Variants in RANBP17 observed in about 807,000 individuals in gnomAD.
RANBP17 encodes ran-binding protein 17.
RANBP17 carries 158 observed loss-of-function variants against 141.2 expected under a neutral mutation model. The ratio of observed to expected loss-of-function variants is 1.12; its 90% CI spans 0.98 to 1.28. The LOEUF (loss-of-function observed/expected upper bound fraction) is 1.28. RANBP17 is among the 50% of genes most tolerant of loss of function. The probability of loss-of-function intolerance (pLI) is 0.00; values close to 1 mark genes in which losing one functional copy is unlikely to be tolerated. For synonymous variants in RANBP17, 430 were observed against 450.0 expected (o/e 0.96, Z 0.56); for missense variants, 1,438 against 1,290.7 (o/e 1.11, Z -1.75).
chr5:170,951,449 T>TA (rs1335224606), intron 12 of RANBP17, among the ~76,000 whole-genome samples: 1 of 152,074 alleles, frequency 6.6e-6, no homozygotes, highest in Non-Finnish European at 1.5e-5. Context: ...AAAACATGGG[T>TA]GGTCCTTGAA....
In RANBP17 at chr5:170,908,593, A is replaced by C. The variant is rs182127708; in HGVS notation, c.490-1068A>C. On this transcript the variant is annotated intron_variant, in intron 5 of 27. Transcript: ENST00000523189. ...ATCATTCATACCCCAAACCTCAGCA[A>C]CAAGCAATATACCCCAGGCAACAAA... Among the ~76,000 whole-genome samples the C allele has an allele frequency of 1.3e-3, 192 of 151,164 alleles. 2 individuals carry two copies. Among genetic ancestry groups the C allele is most frequent in the Middle Eastern group, 0.01 (3 of 294 alleles).
At chr5:171,211,973 G>A (rs1762922113) in intron 20 of RANBP17, among the ~76,000 whole-genome samples, 2 of 152,162 alleles carry the variant, frequency 1.3e-5, no homozygotes, top group African/African-American at 4.8e-5. Context: ...AATCTATTTT[G>A]TGTCAGGCCA....
chr5:170,997,781 A>G (rs1275836885), intron 14 of RANBP17, among the ~76,000 whole-genome samples: 4 of 152,212 alleles, frequency 2.6e-5, no homozygotes. Context: ...ACACAGTATT[A>G]AATAATATAA....
In RANBP17 at chr5:170,870,703, T is replaced by C. The variant is rs528859462; in HGVS notation, c.19-7394T>C. 3.7e-4 allele frequency among the ~76,000 whole-genome samples: 56 copies of C among 152,356 alleles called. 1 individual carries two copies. In the South Asian group the frequency reaches 0.011, roughly 29 times the overall value. ...CATACATGTGCATGTATCTTTATAA[T>C]AGAATGATTTATATTCCTTTGAGTA... is the stretch of plus-strand genomic sequence containing the variant. On this transcript the variant is annotated intron_variant, in intron 1 of 27. Coordinates refer to ENST00000523189, the MANE Select transcript of RANBP17 (RefSeq NM_022897.5).
At chr5:171,096,017 C>T (rs933707216) in intron 14 of RANBP17, among the ~76,000 whole-genome samples, 12 of 152,054 alleles carry the variant, frequency 7.9e-5, no homozygotes, top group Non-Finnish European at 1.6e-4. Flanking sequence ...TCATCATCTT[C>T]ATGTCAAGGA....
intron 14 of RANBP17, among the ~76,000 whole-genome samples, chr5:171,133,427 A>G (rs1405351573): frequency 1.3e-5 from 2 of 152,138 alleles, no homozygotes; most frequent in Non-Finnish European, 2.9e-5. Flanking sequence ...ACAAGACAGT[A>G]TTTGCCAACT....
intron 14 of RANBP17, among the ~76,000 whole-genome samples, chr5:171,087,195 T>G (rs1785734384): frequency 6.6e-6 from 1 of 151,144 alleles, no homozygotes; most frequent in Admixed American, 6.6e-5. Context: ...AAGAACATCT[T>G]TATTTCTGCC....
chr5:171,144,448 T>G (rs1757907068), intron 14 of RANBP17, among the ~76,000 whole-genome samples: 1 of 152,160 alleles, frequency 6.6e-6, no homozygotes, highest in Non-Finnish European at 1.5e-5. Flanking sequence ...GAGATGTGAT[T>G]GATCATTTAT....
At chr5:171,169,359 G>A (rs181898431) in intron 14 of RANBP17, among the ~76,000 whole-genome samples, 88 of 152,286 alleles carry the variant, frequency 5.8e-4, no homozygotes, top group African/African-American at 2.1e-3. Context: ...GAGTATGGAG[G>A]TGTCAACCCA....
intron 14 of RANBP17, among the ~76,000 whole-genome samples, chr5:171,118,489 A>G (rs1755800118): frequency 1.3e-5 from 2 of 151,888 alleles, no homozygotes; most frequent in Admixed American, 6.6e-5. Flanking sequence ...TTTGGGTACT[A>G]TTGTCAGTTT....
chr5:171,289,174 G>GT (rs1392900058), intron 25 of RANBP17, among the ~76,000 whole-genome samples: 1 of 152,152 alleles, frequency 6.6e-6, no homozygotes, highest in Non-Finnish European at 1.5e-5. Flanking sequence ...TGGGGATACA[G>GT]TACCACAGGA....
chr5:171,258,158 CA>C lies in RANBP17; in HGVS notation c.2777-7522del, dbSNP rs1554124874. On this transcript the variant is annotated intron_variant, in intron 24 of 27. Coordinates refer to ENST00000523189, the MANE Select transcript of RANBP17 (RefSeq NM_022897.5). Reference sequence around the variant, plus strand: ...ACACACACACACACACACACACACACACCCCTAGGAATGCATTTAACCAAGA... The same window carrying C: ...ACACACACACACACACACACACACACCCCCTAGGAATGCATTTAACCAAGA... Among the ~76,000 whole-genome samples the C allele has an allele frequency of 7.6e-3, 1,115 of 147,082 alleles. 17 individuals are homozygous for C. The highest frequency in any genetic ancestry group is 0.023 in the African/African-American group (942 of 40,252).
intron 14 of RANBP17, among the ~76,000 whole-genome samples, chr5:171,042,218 A>G (rs1225460339): frequency 6.6e-6 from 1 of 152,098 alleles, no homozygotes; most frequent in Non-Finnish European, 1.5e-5. Context: ...TCCTAGGCCT[A>G]TACAGGGTCA....
intron 14 of RANBP17, among the ~76,000 whole-genome samples, chr5:171,035,854 G>A (rs1462937883): frequency 4.7e-5 from 7 of 149,696 alleles, no homozygotes; most frequent in Admixed American, 1.4e-4. Context: ...ACTACAACCC[G>A]TTACCAAGGT....
chr5:171,170,342 T>G, intron 15 of RANBP17, 139 bp downstream of exon 15: 1 of 436,158 alleles, frequency 2.3e-6, no homozygotes, highest in Non-Finnish European at 4.1e-6. Flanking sequence ...AATGTTAGCA[T>G]TGTTCTTAAT....
chr5:170,974,615 G>A (rs1218543855), intron 14 of RANBP17, among the ~76,000 whole-genome samples: 15 of 152,106 alleles, frequency 9.9e-5, no homozygotes, highest in Non-Finnish European at 1.8e-4. Flanking sequence ...TTCTCTGGTG[G>A]CCCTGTCCTT....
intron 14 of RANBP17, among the ~76,000 whole-genome samples, chr5:171,032,072 A>G (rs1781582173): frequency 6.6e-6 from 1 of 152,150 alleles, no homozygotes; most frequent in Admixed American, 6.6e-5. Flanking sequence ...GAAAATATTT[A>G]GAAGGATTTG....
At chr5:171,212,176 A>T (rs1762935839) in intron 20 of RANBP17, among the ~76,000 whole-genome samples, 1 of 152,194 alleles carries the variant, frequency 6.6e-6, no homozygotes, top group Non-Finnish European at 1.5e-5. Flanking sequence ...CCTATATTGA[A>T]ATCTGACATT....
chr5:171,005,811 T>G (rs1178085347), intron 14 of RANBP17, among the ~76,000 whole-genome samples: 1 of 152,026 alleles, frequency 6.6e-6, no homozygotes, highest in African/African-American at 2.4e-5. Context: ...ACAGGCAACC[T>G]ACAGAATGGG....
Sources: gnomAD v4.1 joint callset for allele counts (sites outside exome capture counted in the v4.1 genomes callset) on GRCh38, gnomAD v4.1.1 for gene constraint, MANE v1.5 for transcripts, NCBI Gene and HGNC (gene_info 2026-07-23, HGNC 2026-07-21) for gene names.